CATSPERB: variants seen among roughly 807,000 people sequenced by gnomAD.
CATSPERB encodes cation channel sperm-associated auxiliary subunit beta.
CATSPERB carries 93 observed loss-of-function variants against 128.3 expected under a neutral mutation model. The observed-to-expected ratio is 0.72, with a 90% CI of 0.61 to 0.86. CATSPERB has a LOEUF of 0.86. Ranked by LOEUF, CATSPERB falls within the 40% of genes least tolerant of loss-of-function variation. The probability of loss-of-function intolerance (pLI) is 0.00; values close to 1 mark genes in which losing one functional copy is unlikely to be tolerated. For synonymous variants in CATSPERB, 381 were observed against 448.8 expected (o/e 0.85, Z 1.91); for missense variants, 1,153 against 1,329.5 (o/e 0.87, Z 2.06).
intron 5 of CATSPERB, among the ~76,000 whole-genome samples, chr14:91,714,757 G>A (rs1895907933): frequency 1.3e-5 from 2 of 151,612 alleles, no homozygotes; most frequent in Non-Finnish European, 2.9e-5. Context: ...ATGGGGTTTC[G>A]CCACGTTGGC....
At chr14:91,706,379 C>T (rs1895732175) in intron 6 of CATSPERB, among the ~76,000 whole-genome samples, 1 of 152,180 alleles carries the variant, frequency 6.6e-6, no homozygotes, top group Non-Finnish European at 1.5e-5. Context: ...TTTCAGCTTA[C>T]CACTGGACAT....
chr14:91,588,373 C>T (rs1032108358), intron 24 of CATSPERB, among the ~76,000 whole-genome samples: 1 of 152,100 alleles, frequency 6.6e-6, no homozygotes, highest in African/African-American at 2.4e-5. Flanking sequence ...AAGTTCAAGA[C>T]TTCTGATCAG....
At chr14:91,719,990 A>G (rs1470483254) in intron 4 of CATSPERB, among the ~76,000 whole-genome samples, 1 of 152,210 alleles carries the variant, frequency 6.6e-6, no homozygotes, top group Non-Finnish European at 1.5e-5. Context: ...AGTGCAAGCT[A>G]AAAGAATTGA....
intron 22 of CATSPERB, chr14:91,604,271 G>T: frequency 1.5e-6 from 1 of 663,084 alleles, no homozygotes; most frequent in South Asian, 1.7e-5. Flanking sequence ...CACATTGACT[G>T]GATAGGCATA....
At chr14:91,608,630 G>A (rs1203708147) in intron 21 of CATSPERB, among the ~76,000 whole-genome samples, 1 of 30,016 alleles carries the variant, frequency 3.3e-5, no homozygotes, top group Non-Finnish European at 5.6e-5. Flanking sequence ...CTGCCATAAA[G>A]TCAATGCAAT....
At chr14:91,675,831 T>G (rs1895183308) in intron 11 of CATSPERB, among the ~76,000 whole-genome samples, 1 of 152,172 alleles carries the variant, frequency 6.6e-6, no homozygotes, top group African/African-American at 2.4e-5. Context: ...GGGTTGCTCT[T>G]TCTCGGACCC....
intron 14 of CATSPERB, among the ~76,000 whole-genome samples, chr14:91,667,329 A>G (rs1314009780): frequency 6.6e-6 from 1 of 152,252 alleles, no homozygotes; most frequent in Non-Finnish European, 1.5e-5. Flanking sequence ...GGAGAACAGC[A>G]GCATAAGTGT....
chr14:91,631,492 C>T (rs1202769548), intron 17 of CATSPERB, among the ~76,000 whole-genome samples: 3 of 152,000 alleles, frequency 2.0e-5, no homozygotes, highest in Admixed American at 6.6e-5. Flanking sequence ...GGTGAAACCC[C>T]GTCTCTACTA....
At chr14:91,729,273 T>C (rs1365933893) in intron 2 of CATSPERB, 128 bp downstream of exon 2, 3 of 468,672 alleles carry the variant, frequency 6.4e-6, no homozygotes, top group East Asian at 3.5e-5. Context: ...ATTGACAATA[T>C]TGGGAAACAA....
intron 20 of CATSPERB, 82 bp from the exon 21 acceptor site, chr14:91,610,759 A>C (rs1238503134): frequency 8.0e-7 from 1 of 1,255,724 alleles, no homozygotes; most frequent in African/African-American, 1.5e-5. Context: ...CACATGTTGA[A>C]ACCCCAACCT....
chr14:91,590,997 A>G (rs1321711346), intron 23 of CATSPERB, among the ~76,000 whole-genome samples: 1 of 151,970 alleles, frequency 6.6e-6, no homozygotes, highest in Non-Finnish European at 1.5e-5. Flanking sequence ...CAGTTTCTCA[A>G]TATACAGTGT....
chr14:91,677,911 C>A (rs938070472), intron 11 of CATSPERB, among the ~76,000 whole-genome samples: 2 of 152,162 alleles, frequency 1.3e-5, no homozygotes, highest in African/African-American at 4.8e-5. Flanking sequence ...GGAATGAGAT[C>A]ATGTCCTTTG....
At chr14:91,581,497 TA>T (rs1283209470) in intron 26 of CATSPERB, among the ~76,000 whole-genome samples, 7 of 152,292 alleles carry the variant, frequency 4.6e-5, no homozygotes, top group African/African-American at 1.7e-4. Flanking sequence ...TCATGACGAA[TA>T]AGTAGGTTCA....
In CATSPERB at chr14:91,624,887, A is replaced by G; in HGVS notation, c.1863T>C (p.Ser621=). The part of the protein sequence containing the change: ...PFGLEEVNES[S]CLSSSLLINK... ...TAATCAAAAGGGAACTAGACAAACA[A>G]GAGCTCTCATTCACTTCTTCTAATC... is the stretch of plus-strand genomic sequence containing the variant. The change falls in exon 18 of 27, where the codon TCT becomes TCC. Residue 621 remains serine (S), a synonymous_variant. Transcript: ENST00000256343. 1 of 1,612,272 alleles carries G rather than the reference A, an allele frequency of 6.2e-7. No individual in the cohort carries two copies. The highest frequency in any genetic ancestry group is 8.5e-7 in the Non-Finnish European group (1 of 1,179,322).
At chr14:91,653,840 G>A (rs557539170) in intron 15 of CATSPERB, among the ~76,000 whole-genome samples, 1 of 152,208 alleles carries the variant, frequency 6.6e-6, no homozygotes, top group South Asian at 2.1e-4. Context: ...AAAAGTAAAG[G>A]GAAAAATCAA....
At chr14:91,594,355 A>G (rs1379395839) in intron 22 of CATSPERB, among the ~76,000 whole-genome samples, 1 of 152,132 alleles carries the variant, frequency 6.6e-6, no homozygotes, top group South Asian at 2.1e-4. Context: ...GAGGGATAGC[A>G]TTAGGAGATA....
intron 20 of CATSPERB, among the ~76,000 whole-genome samples, chr14:91,612,064 C>CTTTGT (rs775422175): frequency 2.8e-5 from 1 of 36,330 alleles, no homozygotes; most frequent in South Asian, 9.0e-4. Flanking sequence ...TTCTTTCTTT[C>CTTTGT]TTCCTTTTTT....
At chr14:91,724,732 T>C (rs1055481259) in intron 3 of CATSPERB, among the ~76,000 whole-genome samples, 1 of 152,126 alleles carries the variant, frequency 6.6e-6, no homozygotes, top group Non-Finnish European at 1.5e-5. Context: ...GCAAGACAGA[T>C]TTTCAAGGTC....
intron 15 of CATSPERB, among the ~76,000 whole-genome samples, chr14:91,649,864 CTG>C (rs1185556774): frequency 2.6e-5 from 4 of 152,152 alleles, no homozygotes; most frequent in East Asian, 1.9e-4. Flanking sequence ...GAGACTCTCA[CTG>C]TGTTTTTATT....
Sources: gnomAD v4.1 joint callset for allele counts (sites outside exome capture counted in the v4.1 genomes callset) on GRCh38, gnomAD v4.1.1 for gene constraint, MANE v1.5 for transcripts, NCBI Gene and HGNC (gene_info 2026-07-23, HGNC 2026-07-21) for gene names.